Variants in TBC1D8 observed in about 807,000 individuals in gnomAD.
TBC1D8 encodes BUB2-like protein 1.
Under a neutral mutation model 118.8 loss-of-function variants are expected in TBC1D8, and 65 were observed. That is an observed-to-expected ratio of 0.55 (90% CI 0.45 to 0.67). TBC1D8 has a LOEUF of 0.67. TBC1D8 is among the 30% of genes least tolerant of loss of function. The pLI, the probability that TBC1D8 is intolerant of heterozygous loss-of-function variation, is 0.00. For synonymous variants in TBC1D8, 566 were observed against 595.8 expected, an observed-to-expected ratio of 0.95 and a Z score of 0.73; for missense variants, 1,376 against 1,471.2, an observed-to-expected ratio of 0.94 and a Z score of 1.06.
In TBC1D8 at chr2:101,035,493, C is replaced by T. The variant is rs573303402; in HGVS notation, c.1603+525G>A. Among the ~76,000 whole-genome samples, 6 of 152,240 alleles carry T rather than the reference C, an allele frequency of 3.9e-5. No individual in the cohort carries two copies. In the East Asian group the frequency reaches 9.7e-4, roughly 25 times the overall value. ...CCCGGGGCTCTGAAGCTAAAAGAGG[C>T]CATCCCTGAATGGGTCCAGCAGAAA... On this transcript the variant is annotated intron_variant, in intron 9 of 19. Coordinates refer to ENST00000409318, the MANE Select transcript of TBC1D8 (RefSeq NM_001330348.2).
chr2:101,021,645 G>A (rs762064389), intron 17 of TBC1D8, 36 bp downstream of exon 17: 1 of 1,398,534 alleles, frequency 7.2e-7, no homozygotes, highest in South Asian at 1.2e-5. Flanking sequence ...TGTTGAAGCA[G>A]AGCACAGTCT....
chr2:101,031,961 G>A (rs763266470), intron 11 of TBC1D8, among the ~76,000 whole-genome samples: 4 of 151,924 alleles, frequency 2.6e-5, no homozygotes, highest in Non-Finnish European at 5.9e-5. Context: ...TTGTTTCTTG[G>A]GCCTTGGATC....
chr2:101,014,197 GTTT>G lies in TBC1D8; in HGVS notation c.2828-2660_2828-2658del, dbSNP rs113766146. 1.4e-4 allele frequency among the ~76,000 whole-genome samples: 20 copies of G among 144,428 alleles called. 1 individual carries two copies. The highest frequency in any genetic ancestry group is 5.0e-4 in the African/African-American group (20 of 39,674). The allele number at this position is 144,428 out of a possible 152,430, so 94.8% of individuals were successfully genotyped here. On this transcript the variant is annotated intron_variant, in intron 17 of 19. Transcript: ENST00000409318. ...GAGGCAGTCTTTTAATTTCGCAAAA[GTTT>G]TTTTTTTTTCAAGGAAGTTTATATT...
intron 1 of TBC1D8, among the ~76,000 whole-genome samples, chr2:101,102,395 A>C (rs1024919156): frequency 2.0e-5 from 3 of 152,148 alleles, no homozygotes; most frequent in Non-Finnish European, 2.9e-5. Context: ...CAGACATAGC[A>C]GTGAGCTGAA....
intron 1 of TBC1D8, among the ~76,000 whole-genome samples, chr2:101,098,446 A>G (rs1230812437): frequency 6.6e-6 from 1 of 152,110 alleles, no homozygotes; most frequent in Non-Finnish European, 1.5e-5. Flanking sequence ...CACTGTCAGT[A>G]TTAGATCAAC....
intron 19 of TBC1D8, among the ~76,000 whole-genome samples, chr2:101,009,819 A>AG (rs1679054130): frequency 1.6e-5 from 2 of 125,826 alleles, no homozygotes; most frequent in African/African-American, 5.3e-5. Flanking sequence ...ATAAAAAAGG[A>AG]GCTTTTTCTT....
At chr2:101,037,317 C>T (rs980647773) in intron 8 of TBC1D8, among the ~76,000 whole-genome samples, 5 of 152,232 alleles carry the variant, frequency 3.3e-5, no homozygotes, top group African/African-American at 1.2e-4. Context: ...CAGCTGAGAG[C>T]TGCGCGAGGT....
In TBC1D8 at chr2:101,035,962, G is replaced by A. The variant is rs1409992457; in HGVS notation, c.1603+56C>T. ...CACACGCGCTGCTCGGGTCCGGGCTGTTCCTGTGTCCATGACAAAAAGAAC... is the reference window on the plus strand; with the variant it reads ...CACACGCGCTGCTCGGGTCCGGGCTATTCCTGTGTCCATGACAAAAAGAAC... On this transcript the variant is annotated intron_variant, in intron 9 of 19. Transcript: ENST00000409318. The A allele has an allele frequency of 3.1e-6, 5 of 1,601,268 alleles. No homozygotes were observed. The South Asian group carries it at 4.4e-5, about 14-fold the overall frequency.
intron 19 of TBC1D8, among the ~76,000 whole-genome samples, chr2:101,009,485 C>T (rs1166972991): frequency 1.3e-5 from 2 of 150,780 alleles, no homozygotes; most frequent in East Asian, 3.9e-4. Context: ...CATGGTTATT[C>T]TGAAAGGAAA....
At chr2:101,124,358 A>G (rs1678262454) in intron 1 of TBC1D8, among the ~76,000 whole-genome samples, 1 of 152,214 alleles carries the variant, frequency 6.6e-6, no homozygotes, top group Non-Finnish European at 1.5e-5. Flanking sequence ...TCAAGGCTCT[A>G]TAATAAATGC....
chr2:101,131,284 G>A (rs933231123), intron 1 of TBC1D8, among the ~76,000 whole-genome samples: 3 of 151,028 alleles, frequency 2.0e-5, no homozygotes, highest in African/African-American at 4.9e-5. Flanking sequence ...AGGCAAAGGC[G>A]GGTGGATCAC....
At chr2:101,122,383 C>CAAAAAAAAAAAAAAAAAAAAAAAA (rs70943064) in intron 1 of TBC1D8, among the ~76,000 whole-genome samples, 10 of 71,942 alleles carry the variant, frequency 1.4e-4, no homozygotes, top group Non-Finnish European at 2.5e-4. Flanking sequence ...GACTCCATTT[C>CAAAAAAAAAAAAAAAAAAAAAAAA]AAAAAAAAAA....
chr2:101,080,143 G>GT (rs1358919931), intron 2 of TBC1D8, among the ~76,000 whole-genome samples: 1 of 152,036 alleles, frequency 6.6e-6, no homozygotes, highest in Non-Finnish European at 1.5e-5. Context: ...TTATTTGAGC[G>GT]TAAGCAAAAT....
chr2:101,132,514 A>G (rs1378876112), intron 1 of TBC1D8, among the ~76,000 whole-genome samples: 1 of 152,182 alleles, frequency 6.6e-6, no homozygotes, highest in Non-Finnish European at 1.5e-5. Flanking sequence ...ACTTTTCCAA[A>G]CACAGCCTTT....
At chr2:101,129,935 G>T (rs900827530) in intron 1 of TBC1D8, among the ~76,000 whole-genome samples, 10 of 151,882 alleles carry the variant, frequency 6.6e-5, no homozygotes, top group Admixed American at 6.6e-5. Flanking sequence ...AAAAGAAAGG[G>T]CTAGCCCGAG....
intron 11 of TBC1D8, among the ~76,000 whole-genome samples, chr2:101,030,450 A>G (rs1263611150): frequency 6.6e-6 from 1 of 152,192 alleles, no homozygotes; most frequent in Non-Finnish European, 1.5e-5. Flanking sequence ...AATTAAAACC[A>G]CCATAATTAT....
chr2:101,151,369 G>T lies in TBC1D8; in HGVS notation c.-116C>A. On this transcript the variant is annotated 5_prime_UTR_variant, in exon 1 of 20. Coordinates refer to ENST00000409318, the MANE Select transcript of TBC1D8 (RefSeq NM_001330348.2). The stretch of plus-strand genomic sequence containing the variant: ...GCGCGCGGGGACCACAGCCCGGCCG[G>T]TGCCCAGCGCTCTGAGAGCCCGCGG... The T allele has an allele frequency of 1.7e-5, 17 of 1,007,188 alleles. No homozygotes were observed. The highest frequency in any genetic ancestry group is 2.1e-5 in the Non-Finnish European group (17 of 818,528). The allele number at this position is 1,007,188 out of a possible 1,614,324, so 62.4% of individuals were successfully genotyped here.
chr2:101,035,883 G>T, intron 9 of TBC1D8, 135 bp downstream of exon 9: 1 of 1,087,218 alleles, frequency 9.2e-7, no homozygotes, highest in Non-Finnish European at 1.3e-6. Flanking sequence ...GAAGTCCTCA[G>T]CTGGGAAATC....
chr2:101,120,402 G>A (rs1678047491), intron 1 of TBC1D8, among the ~76,000 whole-genome samples: 1 of 152,162 alleles, frequency 6.6e-6, no homozygotes, highest in African/African-American at 2.4e-5. Flanking sequence ...CCCAATGTTA[G>A]AGATGCTAGT....
Sources: gnomAD v4.1 joint callset for allele counts (sites outside exome capture counted in the v4.1 genomes callset) on GRCh38, gnomAD v4.1.1 for gene constraint, MANE v1.5 for transcripts, NCBI Gene and HGNC (gene_info 2026-07-23, HGNC 2026-07-21) for gene names.